MAGI1: variants seen among roughly 807,000 people sequenced by gnomAD.
MAGI1 encodes membrane associated guanylate kinase, WW and PDZ domain containing 1.
Under a neutral mutation model 139.9 loss-of-function variants are expected in MAGI1, and 58 were observed. The ratio of observed to expected loss-of-function variants is 0.41; its 90% CI spans 0.34 to 0.52. The LOEUF (loss-of-function observed/expected upper bound fraction) is 0.52. MAGI1 is among the 20% of genes least tolerant of loss of function. The pLI, the probability that MAGI1 is intolerant of heterozygous loss-of-function variation, is 0.12. For missense variants in MAGI1, 1,874 were observed against 1,901.6 expected, an observed-to-expected ratio of 0.99 and a Z score of 0.27; for synonymous variants, 812 against 737.9, an observed-to-expected ratio of 1.10 and a Z score of -1.63.
chr3:65,408,342 T>G (rs1945519700), intron 12 of MAGI1, among the ~76,000 whole-genome samples: 1 of 152,074 alleles, frequency 6.6e-6, no homozygotes, highest in Admixed American at 6.6e-5. Flanking sequence ...TCTGAAAAAA[T>G]TATGAGGAGA....
chr3:66,008,206 A>G lies in MAGI1; in HGVS notation c.313+29790T>C, dbSNP rs1462864622. Among the ~76,000 whole-genome samples the G allele has an allele frequency of 2.0e-5, 3 of 152,112 alleles. No individual in the cohort carries two copies. The East Asian group carries it at 5.8e-4, about 29-fold the overall frequency. ...GCCACCATGCCCAGCCTGGCTCCAT[A>G]GATTCTTACTATTTAGTATAGTTCA... On this transcript the variant is annotated intron_variant, in intron 1 of 22. Coordinates refer to ENST00000402939, the MANE Select transcript of MAGI1 (RefSeq NM_001033057.2).
intron 1 of MAGI1, among the ~76,000 whole-genome samples, chr3:65,973,247 A>G (rs1015646810): frequency 6.6e-6 from 1 of 152,308 alleles, no homozygotes; most frequent in African/African-American, 2.4e-5. Flanking sequence ...CACTCATCTC[A>G]GCCCCCTTTC....
rs17073990 is a variant in MAGI1, at chr3:65,863,435, G to T, written c.313+174561C>A. The stretch of plus-strand genomic sequence containing the variant: ...GTAGGAACTTGGTATGTTGTATAGG[G>T]TAAATTTAAAATCATAAAGAAATAA... On this transcript the variant is annotated intron_variant, in intron 1 of 22. Coordinates refer to ENST00000402939, the MANE Select transcript of MAGI1 (RefSeq NM_001033057.2). 5.5e-3 allele frequency among the ~76,000 whole-genome samples: 833 copies of T among 152,258 alleles called. 32 individuals are homozygous for T. In the East Asian group the frequency reaches 0.091, roughly 17 times the overall value.
chr3:65,488,990 T>C (rs1203383931), intron 3 of MAGI1, among the ~76,000 whole-genome samples: 1 of 152,180 alleles, frequency 6.6e-6, no homozygotes, highest in African/African-American at 2.4e-5. Context: ...TTATGTTTAA[T>C]CTGCCTCACA....
chr3:65,684,699 A>AT (rs1272568406), intron 1 of MAGI1, among the ~76,000 whole-genome samples: 1 of 151,534 alleles, frequency 6.6e-6, no homozygotes, highest in African/African-American at 2.4e-5. Flanking sequence ...ACTTGGTAGG[A>AT]TTTTTTTGGT....
chr3:65,459,381 T>C (rs748977950), intron 5 of MAGI1, among the ~76,000 whole-genome samples: 2 of 152,208 alleles, frequency 1.3e-5, no homozygotes, highest in African/African-American at 2.4e-5. Context: ...ATGTGTAGAC[T>C]TCTTTGAGTA....
intron 2 of MAGI1, among the ~76,000 whole-genome samples, chr3:65,556,931 G>A (rs919142647): frequency 2.0e-5 from 3 of 152,046 alleles, no homozygotes; most frequent in East Asian, 1.9e-4. Flanking sequence ...ACTGGCCTTC[G>A]TTCACTGTTT....
At chr3:65,502,256 A>T (rs944886902) in intron 2 of MAGI1, among the ~76,000 whole-genome samples, 1 of 152,218 alleles carries the variant, frequency 6.6e-6, no homozygotes, top group Non-Finnish European at 1.5e-5. Flanking sequence ...ATGCCACAAA[A>T]ATAAAGCCAT....
chr3:65,544,062 A>G (rs765905258), intron 2 of MAGI1, among the ~76,000 whole-genome samples: 1 of 152,204 alleles, frequency 6.6e-6, no homozygotes, highest in Non-Finnish European at 1.5e-5. Context: ...TAGTAGACAT[A>G]GAAGCAGATA....
intron 12 of MAGI1, among the ~76,000 whole-genome samples, chr3:65,422,019 A>C (rs1248505627): frequency 1.3e-5 from 2 of 152,220 alleles, no homozygotes; most frequent in Admixed American, 1.3e-4. Context: ...GTATAAAAAC[A>C]AAAGAAAGGG....
At chr3:65,480,990 T>G (rs1325272925) in intron 3 of MAGI1, among the ~76,000 whole-genome samples, 2 of 151,896 alleles carry the variant, frequency 1.3e-5, no homozygotes, top group African/African-American at 4.8e-5. Flanking sequence ...TTGAGAGGAG[T>G]GTAATAGTCT....
intron 1 of MAGI1, among the ~76,000 whole-genome samples, chr3:65,817,492 A>G (rs1331785858): frequency 1.3e-5 from 2 of 152,218 alleles, no homozygotes; most frequent in Non-Finnish European, 2.9e-5. Flanking sequence ...ACATGAAAAC[A>G]AGAGCTTAGC....
intron 1 of MAGI1, among the ~76,000 whole-genome samples, chr3:65,744,977 C>G (rs991087748): frequency 2.0e-5 from 3 of 151,902 alleles, no homozygotes; most frequent in African/African-American, 7.3e-5. Context: ...TCCCTCCAGC[C>G]CTTTGGCAAC....
intron 6 of MAGI1, among the ~76,000 whole-genome samples, chr3:65,452,377 C>T (rs1180979344): frequency 5.3e-5 from 8 of 152,004 alleles, no homozygotes; most frequent in Non-Finnish European, 7.4e-5. Flanking sequence ...CACTATAGGA[C>T]GAATAATAAA....
At chr3:65,415,700 T>A (rs1469722527) in intron 12 of MAGI1, among the ~76,000 whole-genome samples, 2 of 152,226 alleles carry the variant, frequency 1.3e-5, no homozygotes, top group African/African-American at 4.8e-5. Flanking sequence ...ACACAGAGTT[T>A]CTAAGAAGCA....
intron 1 of MAGI1, among the ~76,000 whole-genome samples, chr3:65,870,355 T>C (rs1175300718): frequency 6.6e-6 from 1 of 152,112 alleles, no homozygotes; most frequent in East Asian, 1.9e-4. Context: ...AGGGAAAGCC[T>C]GTGTAGCAAT....
chr3:65,555,466 T>A (rs1408442397), intron 2 of MAGI1, among the ~76,000 whole-genome samples: 1 of 151,972 alleles, frequency 6.6e-6, no homozygotes, highest in African/African-American at 2.4e-5. Context: ...GATGGGGAGG[T>A]GAGCTCCTAT....
At chr3:65,718,100 G>A (rs553572501) in intron 1 of MAGI1, among the ~76,000 whole-genome samples, 1 of 152,258 alleles carries the variant, frequency 6.6e-6, no homozygotes, top group African/African-American at 2.4e-5. Context: ...ATTGGTCTGT[G>A]ACTCTAACTC....
At chr3:65,950,107 C>CT (rs2063757392) in intron 1 of MAGI1, among the ~76,000 whole-genome samples, 1 of 14,422 alleles carries the variant, frequency 6.9e-5, no homozygotes, top group Non-Finnish European at 1.8e-4. Context: ...AAAAAAAAAA[C>CT]AGAACTAGCA....
Sources: allele counts gnomAD v4.1 joint callset (sites outside exome capture counted in the v4.1 genomes callset), GRCh38; gene constraint gnomAD v4.1.1; transcripts MANE v1.5; gene names NCBI Gene and HGNC (gene_info 2026-07-23, HGNC 2026-07-21).